Variants in KIRREL3 observed in about 807,000 individuals in gnomAD.
KIRREL3 encodes kirre like nephrin family adhesion molecule 3, also known as kin of IRRE-like protein 3.
A neutral mutation model predicts 89.7 loss-of-function variants in KIRREL3; 36 were observed. The ratio of observed to expected loss-of-function variants is 0.40; its 90% CI spans 0.31 to 0.53. The LOEUF is 0.53. Ranked by LOEUF, KIRREL3 falls within the 20% of genes least tolerant of loss-of-function variation. KIRREL3 has a pLI of 0.49. For synonymous variants in KIRREL3, 445 were observed against 441.4 expected (o/e 1.01, Z -0.10); for missense variants, 864 against 1,056.6 (o/e 0.82, Z 2.53).
intron 15 of KIRREL3, among the ~76,000 whole-genome samples, chr11:126,426,797 A>G (rs1285129544): frequency 6.6e-6 from 1 of 152,152 alleles, no homozygotes; most frequent in Non-Finnish European, 1.5e-5. Context: ...GAATCAGCCA[A>G]AGTGCGGCCA....
chr11:126,974,956 C>A (rs1159871559), intron 1 of KIRREL3, among the ~76,000 whole-genome samples: 1 of 152,120 alleles, frequency 6.6e-6, no homozygotes, highest in African/African-American at 2.4e-5. Flanking sequence ...CTCTGTCACC[C>A]AGGCTGGAGT....
rs559056321 is a variant in KIRREL3 at position 126,687,847 on chromosome 11, C to T, written c.56-124935G>A. Among the ~76,000 whole-genome samples, 27 of 152,298 alleles carry T rather than the reference C, an allele frequency of 1.8e-4. No homozygotes were observed. Among genetic ancestry groups the T allele is most frequent in the East Asian group, 1.2e-3 (6 of 5,178 alleles). ...CCATGGGAGCACAGCCTTGAAGAGA[C>T]GCCTGTGCAAGGCACAGGCTCCACT... is the stretch of plus-strand genomic sequence containing the variant. On this transcript the variant is annotated intron_variant, in intron 1 of 16. Transcript: ENST00000525144. The surrounding 1 kb of genome is among the most constrained non-coding windows in gnomAD (Gnocchi z 4.6).
Position 126,883,835 on chromosome 11 carries a change from C to T in KIRREL3, c.55+116620G>A, listed in dbSNP as rs1302680603. Among the ~76,000 whole-genome samples, 1 of 152,042 alleles carries T rather than the reference C, an allele frequency of 6.6e-6. No homozygotes were observed. The highest frequency in any genetic ancestry group is 2.1e-4 in the South Asian group (1 of 4,828). ...GAAAGTATGTTATATTAAAAAATGGCCATCCTATATTACCCAGAATCAAAA... is the reference window on the plus strand; with the variant it reads ...GAAAGTATGTTATATTAAAAAATGGTCATCCTATATTACCCAGAATCAAAA... On this transcript the variant is annotated intron_variant, in intron 1 of 16. Coordinates refer to ENST00000525144, the MANE Select transcript of KIRREL3 (RefSeq NM_032531.4). This position sits in a 1 kb window ranked among gnomAD's most constrained non-coding sequence, Gnocchi z 4.1.
chr11:126,772,845 T>TAC lies in KIRREL3; in HGVS notation c.56-209935_56-209934dup, dbSNP rs1331267673. ...TTGCCCCTAATGCCAGCACCATACC[T>TAC]ACTGCATCTGGATCTTCATAATTTG... On this transcript the variant is annotated intron_variant, in intron 1 of 16. Transcript: ENST00000525144. This position sits in a 1 kb window ranked among gnomAD's most constrained non-coding sequence, Gnocchi z 4.6. Among the ~76,000 whole-genome samples the TAC allele has an allele frequency of 6.6e-6, 1 of 152,196 alleles. No individual in the cohort carries two copies.
intron 1 of KIRREL3, among the ~76,000 whole-genome samples, chr11:126,630,600 A>G (rs569694): frequency 0.78 from 119,035 of 152,038 alleles, 46,662 homozygotes; most frequent in South Asian, 0.82. Flanking sequence ...CTTATCCAGC[A>G]ATGACTTACC....
chr11:126,624,081 G>T lies in KIRREL3; in HGVS notation c.56-61169C>A, dbSNP rs1438863551. On this transcript the variant is annotated intron_variant, in intron 1 of 16. Coordinates refer to ENST00000525144, the MANE Select transcript of KIRREL3 (RefSeq NM_032531.4). The surrounding 1 kb of genome is among the most constrained non-coding windows in gnomAD (Gnocchi z 6.0). ...CTTGGGAAGGACCATCCTTGCTGGT[G>T]ATGGATGTTGATTTAGTGCTTTGAG... 1.3e-5 allele frequency among the ~76,000 whole-genome samples: 2 copies of T among 152,218 alleles called. No individual in the cohort carries two copies. Among genetic ancestry groups the T allele is most frequent in the African/African-American group, 4.8e-5 (2 of 41,452 alleles).
intron 2 of KIRREL3, among the ~76,000 whole-genome samples, chr11:126,545,718 G>C (rs1938762902): frequency 6.6e-6 from 1 of 152,240 alleles, no homozygotes; most frequent in Admixed American, 6.5e-5. Flanking sequence ...CAGGGTTGGA[G>C]AATAAAGGAG....
At chr11:126,765,428 C>T (rs2134280575) in intron 1 of KIRREL3, among the ~76,000 whole-genome samples, 1 of 152,300 alleles carries the variant, frequency 6.6e-6, no homozygotes, top group African/African-American at 2.4e-5. Flanking sequence ...CATGCCTGCT[C>T]AACCAACCCT....
chr11:126,604,759 C>T (rs1474400225), intron 1 of KIRREL3, among the ~76,000 whole-genome samples: 6 of 152,152 alleles, frequency 3.9e-5, no homozygotes, highest in Non-Finnish European at 8.8e-5. Flanking sequence ...GCCAGGTGTC[C>T]ATGTTTGGAA....
chr11:126,646,889 GACA>G (rs1016690013), intron 1 of KIRREL3, among the ~76,000 whole-genome samples: 23 of 152,012 alleles, frequency 1.5e-4, no homozygotes, highest in African/African-American at 4.1e-4. Context: ...TTCATGTTGA[GACA>G]ACGTTTTTCC....
chr11:126,822,733 G>C (rs1943269771), intron 1 of KIRREL3, among the ~76,000 whole-genome samples: 1 of 152,150 alleles, frequency 6.6e-6, no homozygotes, highest in African/African-American at 2.4e-5. Flanking sequence ...GCAGGAGGGA[G>C]GATGAGGAAG....
rs1949454737 is a variant in KIRREL3, at chr11:126,755,262, A to C, written c.56-192350T>G. On this transcript the variant is annotated intron_variant, in intron 1 of 16. Coordinates refer to ENST00000525144, the MANE Select transcript of KIRREL3 (RefSeq NM_032531.4). This position sits in a 1 kb window ranked among gnomAD's most constrained non-coding sequence, Gnocchi z 4.3. ...CCCTTGCCTGCCCTCCTGTAGCCAC[A>C]AACATAGCCCTGCAGACAGTTCCCT... is the stretch of plus-strand genomic sequence containing the variant. 6.6e-6 allele frequency among the ~76,000 whole-genome samples: 1 copy of C among 152,214 alleles called. No individual in the cohort carries two copies.
At chr11:126,672,737 A>G (rs556454243) in intron 1 of KIRREL3, among the ~76,000 whole-genome samples, 1 of 152,350 alleles carries the variant, frequency 6.6e-6, no homozygotes. Context: ...CTCTGAGAGT[A>G]CATAGGGAAT....
Position 126,606,592 on chromosome 11 carries a change from C to G in KIRREL3, c.56-43680G>C, listed in dbSNP as rs560755395. Among the ~76,000 whole-genome samples, 1 of 152,272 alleles carries G rather than the reference C, an allele frequency of 6.6e-6. No homozygotes were observed. Among genetic ancestry groups the G allele is most frequent in the South Asian group, 2.1e-4 (1 of 4,818 alleles). On this transcript the variant is annotated intron_variant, in intron 1 of 16. Coordinates refer to ENST00000525144, the MANE Select transcript of KIRREL3 (RefSeq NM_032531.4). This position sits in a 1 kb window ranked among gnomAD's most constrained non-coding sequence, Gnocchi z 4.6. Reference sequence around the variant, plus strand: ...ACCACATCCCAGATGACCTTACACACCCCAGGGGTTGATACCAGGCCGAGA... The same window carrying G: ...ACCACATCCCAGATGACCTTACACAGCCCAGGGGTTGATACCAGGCCGAGA...
rs1209221075 is a variant in KIRREL3 at position 126,923,187 on chromosome 11, CTCTTCTTCTTCTTCTTCTTCTTCT to C, written c.55+77244_55+77267del. Among the ~76,000 whole-genome samples, 42 of 23,820 alleles carry C rather than the reference CTCTTCTTCTTCTTCTTCTTCTTCT, an allele frequency of 1.8e-3. 3 individuals carry two copies. Among genetic ancestry groups the C allele is most frequent in the Non-Finnish European group, 2.5e-3 (34 of 13,476 alleles). 15.6% of individuals were successfully genotyped at this position (23,820 alleles called of 152,430 possible). ...TTCTTCTTCTTCTTCTCTTCTTCTTCTCTTCTTCTTCTTCTTCTTCTTCTTCTTCTTCTTCTTCTTCTTCTTCTT... is the reference window on the plus strand; with the variant it reads ...TTCTTCTTCTTCTTCTCTTCTTCTTCTCTTCTTCTTCTTCTTCTTCTTCTT... On this transcript the variant is annotated intron_variant, in intron 1 of 16. Transcript: ENST00000525144.
In KIRREL3 at chr11:126,508,261, A is replaced by C. The variant is rs1482362628; in HGVS notation, c.433+13054T>G. Among the ~76,000 whole-genome samples the C allele has an allele frequency of 6.6e-6, 1 of 152,142 alleles. No individual in the cohort carries two copies. The highest frequency in any genetic ancestry group is 1.5e-5 in the Non-Finnish European group (1 of 68,016). On this transcript the variant is annotated intron_variant, in intron 4 of 16. Coordinates refer to ENST00000525144, the MANE Select transcript of KIRREL3 (RefSeq NM_032531.4). This position sits in a 1 kb window ranked among gnomAD's most constrained non-coding sequence, Gnocchi z 4.9. ...TTTTTTCGGGTTGTGGGACTCAGCTATTTATTTTTGTGAGATGGAGGCTTC... is the reference window on the plus strand; with the variant it reads ...TTTTTTCGGGTTGTGGGACTCAGCTCTTTATTTTTGTGAGATGGAGGCTTC...
Position 126,473,554 on chromosome 11 carries a change from A to G in KIRREL3, c.434-88T>C, listed in dbSNP as rs12271460. On this transcript the variant is annotated intron_variant, in intron 4 of 16. Coordinates refer to ENST00000525144, the MANE Select transcript of KIRREL3 (RefSeq NM_032531.4). Reference sequence around the variant, plus strand: ...GCTGGGAGGATTTTGTGGAGATGGCAACAAACAATAATTATCACACATTAA... The same window carrying G: ...GCTGGGAGGATTTTGTGGAGATGGCGACAAACAATAATTATCACACATTAA... The G allele has an allele frequency of 6.2e-3, 6,932 of 1,119,108 alleles. 238 individuals are homozygous for G. The African/African-American group carries it at 0.082, about 13-fold the overall frequency. 69.3% of individuals were successfully genotyped at this position (1,119,108 alleles called of 1,614,324 possible).
chr11:126,719,447 G>A lies in KIRREL3; in HGVS notation c.56-156535C>T, dbSNP rs991844537. On this transcript the variant is annotated intron_variant, in intron 1 of 16. Coordinates refer to ENST00000525144, the MANE Select transcript of KIRREL3 (RefSeq NM_032531.4). The surrounding 1 kb of genome is among the most constrained non-coding windows in gnomAD (Gnocchi z 4.7). The stretch of plus-strand genomic sequence containing the variant: ...TTGGAGGACCTCAGGGCTTCTCCGA[G>A]CTGTCTACATTCACTGCCTAGGTGA... Among the ~76,000 whole-genome samples the A allele has an allele frequency of 1.3e-5, 2 of 152,146 alleles. No individual in the cohort carries two copies. The highest frequency in any genetic ancestry group is 4.8e-5 in the African/African-American group (2 of 41,438).
intron 1 of KIRREL3, among the ~76,000 whole-genome samples, chr11:126,770,334 T>TCC (rs1949980524): frequency 6.6e-6 from 1 of 152,108 alleles, no homozygotes; most frequent in African/African-American, 2.4e-5. Context: ...TTCTGGTTGG[T>TCC]CCCCAAGACT....
Sources: allele counts gnomAD v4.1 joint callset (sites outside exome capture counted in the v4.1 genomes callset), GRCh38; gene constraint gnomAD v4.1.1; non-coding constraint Gnocchi (gnomAD v3.1); transcripts MANE v1.5; gene names NCBI Gene and HGNC (gene_info 2026-07-23, HGNC 2026-07-21).